The following DDX43 variants were observed in gnomAD, a reference collection of about 807,000 sequenced individuals.
The protein encoded by DDX43 is DEAD-box helicase 43, also known as probable ATP-dependent RNA helicase DDX43.
In DDX43, 50 loss-of-function variants were observed where a neutral mutation model predicts 84.9. That is an observed-to-expected ratio of 0.59 (90% CI 0.47 to 0.75). DDX43 has a LOEUF of 0.75. Among genes scored for constraint, DDX43 ranks in the 30% least tolerant of loss-of-function variants. The probability of loss-of-function intolerance (pLI) is 0.00; values close to 1 mark genes in which losing one functional copy is unlikely to be tolerated. For synonymous variants in DDX43, 291 were observed against 266.3 expected (o/e 1.09, Z -0.90); for missense variants, 689 against 798.6 (o/e 0.86, Z 1.65).
At chr6:73,400,398 GTT>G (rs1324816733) in intron 3 of DDX43, 35 bp downstream of exon 3, 1 of 1,556,234 alleles carries the variant, frequency 6.4e-7, no homozygotes, top group Non-Finnish European at 8.7e-7. Flanking sequence ...CCCTTTAAAA[GTT>G]TTTAATTTCA....
In DDX43 at chr6:73,401,670, CGTGT is replaced by C. The variant is rs1462869295; in HGVS notation, c.437-187_437-184del. 2.0e-5 allele frequency among the ~76,000 whole-genome samples: 3 copies of C among 152,062 alleles called. No homozygotes were observed. In the East Asian group the frequency reaches 5.8e-4, roughly 29 times the overall value. ...TACAAAAATTAGCTGGGCGTTGCGG[CGTGT>C]GCCTGTACTCCCAGCTGCTGGGGAG... On this transcript the variant is annotated intron_variant, in intron 3 of 16. Coordinates refer to ENST00000370336, the MANE Select transcript of DDX43 (RefSeq NM_018665.3).
Position 73,417,265 on chromosome 6 carries a change from C to G in DDX43, c.*104C>G, listed in dbSNP as rs1425666656. The G allele has an allele frequency of 6.6e-6, 1 of 152,110 alleles. No homozygotes were observed. The highest frequency in any genetic ancestry group is 2.4e-5 in the African/African-American group (1 of 41,418). The allele number at this position is 152,110 out of a possible 1,614,324, so 9.4% of individuals were successfully genotyped here. ...GTATGAAGAGACCGGACTGATTTGA[C>G]TGATTCTTAAAATAATAGTGTTTGA... On this transcript the variant is annotated 3_prime_UTR_variant, in exon 17 of 17. Transcript: ENST00000370336.
chr6:73,403,138 A>G (rs1371346680), intron 4 of DDX43, among the ~76,000 whole-genome samples: 1 of 152,206 alleles, frequency 6.6e-6, no homozygotes, highest in African/African-American at 2.4e-5. Flanking sequence ...GACCAGGGAA[A>G]GGATTTAAGT....
At chr6:73,399,094 C>T (rs1479690252) in intron 2 of DDX43, among the ~76,000 whole-genome samples, 1 of 152,022 alleles carries the variant, frequency 6.6e-6, no homozygotes, top group Non-Finnish European at 1.5e-5. Context: ...TACAGGTGCC[C>T]TTCCAGCTCA....
intron 4 of DDX43, among the ~76,000 whole-genome samples, chr6:73,404,139 G>A (rs971210512): frequency 3.3e-5 from 5 of 151,204 alleles, no homozygotes; most frequent in Non-Finnish European, 7.4e-5. Context: ...TTCTGAGACA[G>A]AGTTTCACTT....
Position 73,412,298 on chromosome 6 carries a change from C to CT in DDX43, c.1368+14dup, listed in dbSNP as rs750741529. ...TTGGTACATTGGATCTAGTTGTAAGCTTTTTTTTATTACTATTGTTTAACA... is the reference window on the plus strand; with the variant it reads ...TTGGTACATTGGATCTAGTTGTAAGCTTTTTTTTTATTACTATTGTTTAACA... On this transcript the variant is annotated splice_region_variant and intron_variant, in intron 11 of 16. Coordinates refer to ENST00000370336, the MANE Select transcript of DDX43 (RefSeq NM_018665.3). The CT allele has an allele frequency of 2.6e-5, 42 of 1,598,064 alleles. No homozygotes were observed. Among genetic ancestry groups the CT allele is most frequent in the Admixed American group, 3.5e-5 (2 of 57,094 alleles).
intron 4 of DDX43, 116 bp downstream of exon 4, chr6:73,402,106 T>G: frequency 7.5e-7 from 1 of 1,333,760 alleles, no homozygotes; most frequent in Non-Finnish European, 1.0e-6. Context: ...AATAGTAAAA[T>G]CTAAAATGCT....
rs532749268 is a variant in DDX43, at chr6:73,416,397, G to A, written c.*25+146G>A. ...TCATATCTATTACTTAATCCTTCTG[G>A]GTATACATGGAAAAGAATGAAAGCC... On this transcript the variant is annotated intron_variant, in intron 16 of 16. Coordinates refer to ENST00000370336, the MANE Select transcript of DDX43 (RefSeq NM_018665.3). The A allele has an allele frequency of 1.2e-5, 6 of 506,708 alleles. No individual in the cohort carries two copies. In the South Asian group the frequency reaches 1.6e-4, roughly 14 times the overall value. The allele number at this position is 506,708 out of a possible 1,614,324, so 31.4% of individuals were successfully genotyped here.
intron 7 of DDX43, chr6:73,406,891 G>C (rs1335771874): frequency 6.5e-6 from 1 of 153,056 alleles, no homozygotes; most frequent in East Asian, 1.9e-4. Flanking sequence ...TTTGTAATAA[G>C]AAAAAGTACA....
chr6:73,395,219 C>T, intron 1 of DDX43, 64 bp downstream of exon 1: 1 of 1,509,718 alleles, frequency 6.6e-7, no homozygotes. Flanking sequence ...TGGGCGAAGG[C>T]ATTTCCTCCC....
intron 1 of DDX43, among the ~76,000 whole-genome samples, chr6:73,395,697 G>A (rs1190053134): frequency 6.6e-6 from 1 of 151,416 alleles, no homozygotes; most frequent in African/African-American, 2.4e-5. Context: ...ACTCCTAGAA[G>A]ACTTATGAAA....
chr6:73,414,463 A>G, intron 13 of DDX43, 85 bp from the exon 14 acceptor site: 1 of 1,141,588 alleles, frequency 8.8e-7, no homozygotes, highest in Non-Finnish European at 1.2e-6. Flanking sequence ...AAAATTGATT[A>G]AATTAGTTAG....
At chr6:73,407,124 A>ATT in intron 7 of DDX43, 1 of 158,876 alleles carries the variant, frequency 6.3e-6, no homozygotes, top group Non-Finnish European at 1.4e-5. Context: ...ATTGCTACAA[A>ATT]TTTTTTTTTT....
chr6:73,405,651 A>G, intron 5 of DDX43, 28 bp from the exon 6 acceptor site: 2 of 1,608,090 alleles, frequency 1.2e-6, no homozygotes. Flanking sequence ...AAGTGAGGAA[A>G]GCCACTGATG....
chr6:73,395,272 G>T, intron 1 of DDX43, 117 bp downstream of exon 1: 2 of 1,275,154 alleles, frequency 1.6e-6, no homozygotes, highest in Non-Finnish European at 2.1e-6. Flanking sequence ...TGAGGTTCAG[G>T]TCTCTCCCAG....
Position 73,405,788 on chromosome 6 carries a change from A to G in DDX43, c.760A>G (p.Met254Val), listed in dbSNP as rs1769667671. 1 of 1,614,010 alleles carries G rather than the reference A, an allele frequency of 6.2e-7. No individual in the cohort carries two copies. The highest frequency in any genetic ancestry group is 8.5e-7 in the Non-Finnish European group (1 of 1,180,014). Residue 254 changes from methionine (M) to valine (V), a missense_variant, in exon 6 of 17, where the codon ATG becomes GTG. Physicochemically the swap from Met to Val is conservative, Grantham distance 21. Around this residue, in one of 2 missense-constraint regions of DDX43, gnomAD observed 552 missense variants for 692.7 expected, o/e 0.80. Transcript: ENST00000370336. ...CGCCTTTCAATGTTATCCTGAGGTT[A>G]TGGAAAACATTAAAAAGGCAGGTTT... ...DDAFQCYPEVMENIKKAGFQK... is the reference protein window; with the variant it reads ...DDAFQCYPEVVENIKKAGFQK...
Position 73,400,370 on chromosome 6 carries a change from A to G in DDX43, c.436+7A>G. The stretch of plus-strand genomic sequence containing the variant: ...AATTCAGAATGCGGAATTGGTAAGT[A>G]ATTTTCTCCCACTGAACCCCTTTAA... On this transcript the variant is annotated splice_region_variant and intron_variant, in intron 3 of 16. Transcript: ENST00000370336. 6.3e-7 allele frequency: 1 copy of G among 1,599,934 alleles called. No homozygotes were observed. The highest frequency in any genetic ancestry group is 8.5e-7 in the Non-Finnish European group (1 of 1,175,216).
At chr6:73,409,919 A>G (rs1769753548) in intron 10 of DDX43, among the ~76,000 whole-genome samples, 1 of 151,968 alleles carries the variant, frequency 6.6e-6, no homozygotes, top group South Asian at 2.1e-4. Flanking sequence ...AGTCCCAGCT[A>G]CTAGGAAGAC....
At chr6:73,416,006 A>T (rs1769891401) in intron 15 of DDX43, 107 bp from the exon 16 acceptor site, 3 of 675,424 alleles carry the variant, frequency 4.4e-6, no homozygotes. Flanking sequence ...TTCTGTTTAA[A>T]GGATGTCATG....
Sources: gnomAD v4.1 joint callset for allele counts (sites outside exome capture counted in the v4.1 genomes callset) on GRCh38, gnomAD v4.1.1 for gene constraint, gnomAD v4.1.1 regional missense constraint, MANE v1.5 for transcripts, NCBI Gene and HGNC (gene_info 2026-07-23, HGNC 2026-07-21) for gene names.